DPP10: variants seen among roughly 807,000 people sequenced by gnomAD.
DPP10 encodes the protein inactive dipeptidyl peptidase 10.
In DPP10, 33 loss-of-function variants were observed where a neutral mutation model predicts 120.9. The observed-to-expected ratio is 0.27, with a 90% CI of 0.21 to 0.37. The LOEUF (loss-of-function observed/expected upper bound fraction) is 0.37, where lower values mean the gene tolerates loss of function less well. Among genes scored for constraint, DPP10 ranks in the 10% least tolerant of loss-of-function variants. DPP10 has a pLI of 1.00. For missense variants in DPP10, 816 were observed against 942.8 expected (o/e 0.87, Z 1.76); for synonymous variants, 337 against 326.1 (o/e 1.03, Z -0.36).
chr2:115,641,778 G>A (rs2086802789), intron 5 of DPP10, among the ~76,000 whole-genome samples: 1 of 152,168 alleles, frequency 6.6e-6, no homozygotes, highest in African/African-American at 2.4e-5. Flanking sequence ...TTGACATTTG[G>A]TAGGCAGCCA....
chr2:115,180,532 C>T (rs2054002698), intron 1 of DPP10, among the ~76,000 whole-genome samples: 5 of 152,230 alleles, frequency 3.3e-5, no homozygotes, highest in South Asian at 4.1e-4. Flanking sequence ...CTTCTAATTA[C>T]GGTGATATAG....
intron 1 of DPP10, among the ~76,000 whole-genome samples, chr2:114,795,677 A>G (rs896762399): frequency 6.6e-6 from 1 of 152,170 alleles, no homozygotes; most frequent in Non-Finnish European, 1.5e-5. Flanking sequence ...AAATGTTTAG[A>G]GATTTGTGAC....
intron 12 of DPP10, among the ~76,000 whole-genome samples, chr2:115,766,310 GTATATATATA>G (rs1221483510): frequency 0.033 from 2,656 of 81,362 alleles, 158 homozygotes; most frequent in African/African-American, 0.11. Context: ...GTGTGTGTGT[GTATATATATA>G]TATATGTATA....
intron 1 of DPP10, among the ~76,000 whole-genome samples, chr2:114,876,472 C>T (rs1248154923): frequency 2.6e-5 from 4 of 152,048 alleles, no homozygotes; most frequent in African/African-American, 9.7e-5. Context: ...TGAACTCTGG[C>T]CCTGCCTTTT....
chr2:115,004,561 G>T (rs11123269), intron 1 of DPP10, among the ~76,000 whole-genome samples: 2 of 151,144 alleles, frequency 1.3e-5, no homozygotes, highest in African/African-American at 2.4e-5. Flanking sequence ...CTCGGGAAGC[G>T]CAAGGGGTCA....
chr2:115,730,377 G>A (rs2092875143), intron 8 of DPP10, among the ~76,000 whole-genome samples: 1 of 152,158 alleles, frequency 6.6e-6, no homozygotes, highest in Non-Finnish European at 1.5e-5. Context: ...AAGTAGTGGT[G>A]GCAGACATAG....
intron 1 of DPP10, among the ~76,000 whole-genome samples, chr2:114,665,992 C>T (rs1697893773): frequency 1.3e-5 from 2 of 152,156 alleles, no homozygotes; most frequent in South Asian, 2.1e-4. Flanking sequence ...TACAGCCCAT[C>T]GGGTCAGAAC....
At chr2:114,744,530 G>A (rs34199804) in intron 1 of DPP10, among the ~76,000 whole-genome samples, 4,406 of 152,268 alleles carry the variant, frequency 0.029, 91 homozygotes, top group Non-Finnish European at 0.045. Flanking sequence ...TGAGCAGGAA[G>A]TAGAAGAGAA....
intron 3 of DPP10, among the ~76,000 whole-genome samples, chr2:115,390,914 A>G (rs2067274682): frequency 6.6e-6 from 1 of 152,140 alleles, no homozygotes; most frequent in African/African-American, 2.4e-5. Flanking sequence ...GTCATCTTGT[A>G]CTAGTTAACT....
At position 114,538,908 on chromosome 2, in the gene DPP10, C is replaced by G. The variant is rs73946194; in HGVS notation, c.60+96070C>G. Among the ~76,000 whole-genome samples, 737 of 152,194 alleles carry G rather than the reference C, an allele frequency of 4.8e-3. 6 individuals carry two copies. The highest frequency in any genetic ancestry group is 0.017 in the African/African-American group (722 of 41,516). Reference sequence around the variant, plus strand: ...CGTTAGGCCCATAAGAGCTTCACATCGCTTTTTCTCATAGCCCCTTGATCA... The same window carrying G: ...CGTTAGGCCCATAAGAGCTTCACATGGCTTTTTCTCATAGCCCCTTGATCA... On this transcript the variant is annotated intron_variant, in intron 1 of 25. Coordinates refer to ENST00000410059, the MANE Select transcript of DPP10 (RefSeq NM_020868.6).
chr2:115,438,709 A>G (rs111330354), intron 3 of DPP10, among the ~76,000 whole-genome samples: 4 of 152,012 alleles, frequency 2.6e-5, no homozygotes, highest in Admixed American at 2.6e-4. Context: ...TGGAAGCACA[A>G]TGTAGAATAG....
chr2:115,391,870 GC>G (rs2067340645), intron 3 of DPP10, among the ~76,000 whole-genome samples: 1 of 152,050 alleles, frequency 6.6e-6, no homozygotes, highest in African/African-American at 2.4e-5. Flanking sequence ...TTCTTTGTTT[GC>G]CTTGCTCAGT....
intron 3 of DPP10, among the ~76,000 whole-genome samples, chr2:115,356,602 T>C (rs905101203): frequency 1.3e-4 from 20 of 152,096 alleles, no homozygotes; most frequent in African/African-American, 4.8e-4. Context: ...TGAATAGGGG[T>C]AGTGAGAGAG....
At chr2:115,029,852 A>G (rs376379049) in intron 1 of DPP10, among the ~76,000 whole-genome samples, 5 of 152,242 alleles carry the variant, frequency 3.3e-5, no homozygotes, top group Admixed American at 2.0e-4. Flanking sequence ...TTTTTCCCCA[A>G]TATGGACACA....
At chr2:114,784,020 T>G (rs1239448189) in intron 1 of DPP10, among the ~76,000 whole-genome samples, 1 of 152,044 alleles carries the variant, frequency 6.6e-6, no homozygotes, top group Non-Finnish European at 1.5e-5. Context: ...AAACCTGACC[T>G]GCGCATGTAC....
chr2:114,517,848 T>C (rs1309785873), intron 1 of DPP10, among the ~76,000 whole-genome samples: 1 of 152,164 alleles, frequency 6.6e-6, no homozygotes, highest in African/African-American at 2.4e-5. Flanking sequence ...AGTGCCAAGA[T>C]GAATCAAGCC....
At chr2:115,544,376 T>C (rs1204883195) in intron 5 of DPP10, among the ~76,000 whole-genome samples, 1 of 152,140 alleles carries the variant, frequency 6.6e-6, no homozygotes, top group East Asian at 1.9e-4. Context: ...TCTGCAAGTC[T>C]TTTCATGCCG....
intron 5 of DPP10, among the ~76,000 whole-genome samples, chr2:115,553,277 A>G (rs1056990717): frequency 1.3e-5 from 2 of 152,074 alleles, no homozygotes; most frequent in Non-Finnish European, 2.9e-5. Context: ...ACATTACCAT[A>G]AATCTTTATA....
At chr2:114,642,003 A>G (rs1695743766) in intron 1 of DPP10, among the ~76,000 whole-genome samples, 1 of 151,914 alleles carries the variant, frequency 6.6e-6, no homozygotes, top group South Asian at 2.1e-4. Context: ...TGTGATGATC[A>G]CTGAATATAG....
Sources: gnomAD v4.1 joint callset for allele counts (sites outside exome capture counted in the v4.1 genomes callset) on GRCh38, gnomAD v4.1.1 for gene constraint, MANE v1.5 for transcripts, NCBI Gene and HGNC (gene_info 2026-07-23, HGNC 2026-07-21) for gene names.